USP15: variants seen among roughly 807,000 people sequenced by gnomAD.
USP15 encodes the protein ubiquitin specific peptidase 15, also known as ubiquitin carboxyl-terminal hydrolase 15.
In USP15, 18 loss-of-function variants were observed where a neutral mutation model predicts 127.1. That is an observed-to-expected ratio of 0.14 (90% confidence interval 0.10 to 0.21). The LOEUF (loss-of-function observed/expected upper bound fraction) is 0.21, where lower values mean the gene tolerates loss of function less well. Among genes scored for constraint, USP15 ranks in the 10% least tolerant of loss-of-function variants. The probability of loss-of-function intolerance (pLI) is 1.00; values close to 1 mark genes in which losing one functional copy is unlikely to be tolerated. For missense variants in USP15, 805 were observed against 1,159.9 expected (o/e 0.69, Z 4.44); for synonymous variants, 364 against 393.7 (o/e 0.92, Z 0.89).
rs567395520 is a variant in USP15 at position 62,404,083 on chromosome 12, C to G, written c.2764-110C>G. 14 of 1,295,532 alleles carry G rather than the reference C, an allele frequency of 1.1e-5. No homozygotes were observed. In the Admixed American group the frequency reaches 3.2e-4, roughly 30 times the overall value. 80.3% of individuals were successfully genotyped at this position (1,295,532 alleles called of 1,614,324 possible). On this transcript the variant is annotated intron_variant, in intron 21 of 21. Transcript: ENST00000280377. ...TTCCATTTGACCATGCATGGTTTTT[C>G]TATTTGATTTATGCCCTCTTACCAA...
chr12:62,390,091 C>A, intron 14 of USP15, 103 bp downstream of exon 14: 1 of 1,194,550 alleles, frequency 8.4e-7, no homozygotes, highest in Non-Finnish European at 1.1e-6. Context: ...TATAATTATT[C>A]AAGTCTGTAT....
intron 6 of USP15, among the ~76,000 whole-genome samples, chr12:62,326,955 C>T (rs2065145083): frequency 6.6e-6 from 1 of 151,926 alleles, no homozygotes; most frequent in African/African-American, 2.4e-5. Flanking sequence ...CATGGTGAAA[C>T]CCCATCTCTA....
At chr12:62,392,593 G>T (rs1028020327) in intron 18 of USP15, among the ~76,000 whole-genome samples, 2 of 151,926 alleles carry the variant, frequency 1.3e-5, no homozygotes, top group Non-Finnish European at 2.9e-5. Context: ...TTATTACTGT[G>T]TTTTTCATAA....
intron 8 of USP15, among the ~76,000 whole-genome samples, chr12:62,365,620 C>A (rs1455342810): frequency 6.6e-6 from 1 of 152,132 alleles, no homozygotes; most frequent in African/African-American, 2.4e-5. Context: ...GACATGAAGT[C>A]TTTGCTCATG....
chr12:62,349,404 T>G (rs2065906401), intron 7 of USP15, 97 bp downstream of exon 7: 2 of 726,082 alleles, frequency 2.8e-6, no homozygotes, highest in South Asian at 4.3e-5. Flanking sequence ...AAAGTCTTAA[T>G]GCATTAAAAT....
intron 8 of USP15, among the ~76,000 whole-genome samples, chr12:62,373,495 A>G (rs1391117828): frequency 6.6e-6 from 1 of 151,960 alleles, no homozygotes; most frequent in African/African-American, 2.4e-5. Context: ...AAGCACAGGG[A>G]CCAGATTAAT....
At chr12:62,391,006 A>G (rs958117536) in intron 15 of USP15, 27 bp downstream of exon 15, 1 of 1,589,608 alleles carries the variant, frequency 6.3e-7, no homozygotes, top group Non-Finnish European at 8.6e-7. Context: ...AAATTGTACA[A>G]ATGTTTCACT....
At chr12:62,271,796 A>T (rs1425100532) in intron 1 of USP15, among the ~76,000 whole-genome samples, 1 of 151,946 alleles carries the variant, frequency 6.6e-6, no homozygotes, top group African/African-American at 2.4e-5. Flanking sequence ...AATAGTTTAA[A>T]AACAATCTTA....
chr12:62,379,589 G>T (rs888960905), intron 8 of USP15, among the ~76,000 whole-genome samples: 4 of 152,070 alleles, frequency 2.6e-5, no homozygotes, highest in African/African-American at 9.7e-5. Context: ...GTGCAACTTG[G>T]TTCTTTTGAG....
intron 8 of USP15, among the ~76,000 whole-genome samples, chr12:62,365,524 T>G (rs2137497016): frequency 6.6e-6 from 1 of 152,322 alleles, no homozygotes; most frequent in African/African-American, 2.4e-5. Context: ...CTCATGGTAG[T>G]TTCTTTTCCT....
chr12:62,368,697 G>A (rs1272111873), intron 8 of USP15, among the ~76,000 whole-genome samples: 1 of 152,098 alleles, frequency 6.6e-6, no homozygotes, highest in African/African-American at 2.4e-5. Flanking sequence ...GAGCCTATGT[G>A]TGTCTTTGCA....
chr12:62,287,338 A>T (rs1436450499), intron 1 of USP15, among the ~76,000 whole-genome samples: 1 of 152,208 alleles, frequency 6.6e-6, no homozygotes, highest in Non-Finnish European at 1.5e-5. Flanking sequence ...AAAATTTAAA[A>T]TTTTTTAAAA....
intron 8 of USP15, among the ~76,000 whole-genome samples, chr12:62,365,465 T>C (rs537570758): frequency 1.3e-5 from 2 of 152,304 alleles, no homozygotes; most frequent in Admixed American, 1.3e-4. Context: ...CTTTGTCAGA[T>C]GGATAGATTG....
chr12:62,379,409 T>TA (rs2066923093), intron 8 of USP15, among the ~76,000 whole-genome samples: 1 of 152,052 alleles, frequency 6.6e-6, no homozygotes, highest in Non-Finnish European at 1.5e-5. Flanking sequence ...GGAGAGCCGT[T>TA]AAAGGATTTA....
At position 62,355,356 on chromosome 12, in the gene USP15, C is replaced by T. The variant is rs1186718040; in HGVS notation, c.796C>T (p.Pro266Ser). ...RNVKNSNYCL[P>S]SYTAYKNYDY... ...TGTGAAAAACTCAAATTACTGTCTT[C>T]CATCATATACCGCTTATAAGAACTA... Residue 266 changes from proline (P) to serine (S), a missense_variant, in exon 8 of 22, where the codon CCA becomes TCA. Around this residue, in one of 11 missense-constraint regions of USP15, gnomAD observed 84 missense variants for 107.7 expected, o/e 0.78. Coordinates refer to ENST00000280377, the MANE Select transcript of USP15 (RefSeq NM_001252078.2). 1 of 1,602,836 alleles carries T rather than the reference C, an allele frequency of 6.2e-7. No individual in the cohort carries two copies. The highest frequency in any genetic ancestry group is 1.3e-5 in the African/African-American group (1 of 74,486).
intron 8 of USP15, among the ~76,000 whole-genome samples, chr12:62,365,355 G>A (rs1270903331): frequency 4.6e-5 from 7 of 151,392 alleles, no homozygotes; most frequent in Admixed American, 6.6e-5. Context: ...AAGTGTCTTC[G>A]AGTAGTGTCT....
At chr12:62,354,138 T>C (rs1336813498) in intron 7 of USP15, among the ~76,000 whole-genome samples, 12 of 151,154 alleles carry the variant, frequency 7.9e-5, no homozygotes, top group Non-Finnish European at 1.2e-4. Flanking sequence ...TGTGTGTGCG[T>C]GTGTGTGTGT....
intron 1 of USP15, among the ~76,000 whole-genome samples, chr12:62,260,759 T>A (rs1592430459): frequency 6.6e-6 from 1 of 152,122 alleles, no homozygotes. Flanking sequence ...ACTCGTGCGG[T>A]TCTCTTCGTC....
rs765407674 is a variant in USP15, at chr12:62,393,013, G to A, written c.2421-40G>A. 2.6e-5 allele frequency: 41 copies of A among 1,596,836 alleles called. No homozygotes were observed. In the Middle Eastern group the frequency reaches 6.6e-4, roughly 26 times the overall value. On this transcript the variant is annotated intron_variant, in intron 18 of 21. Coordinates refer to ENST00000280377, the MANE Select transcript of USP15 (RefSeq NM_001252078.2). Reference sequence around the variant, plus strand: ...TTATTTTCATTAATGGGGGTTGTTTGTACCTCTATCAAGTGTTAAATACTT... The same window carrying A: ...TTATTTTCATTAATGGGGGTTGTTTATACCTCTATCAAGTGTTAAATACTT...
Sources: gnomAD v4.1 joint callset for allele counts (sites outside exome capture counted in the v4.1 genomes callset) on GRCh38, gnomAD v4.1.1 for gene constraint, gnomAD v4.1.1 regional missense constraint, MANE v1.5 for transcripts, NCBI Gene and HGNC (gene_info 2026-07-23, HGNC 2026-07-21) for gene names.